The following HMCN1 variants were observed in gnomAD, a reference collection of about 807,000 sequenced individuals.
HMCN1 encodes the protein hemicentin-1.
A neutral mutation model predicts 625.9 loss-of-function variants in HMCN1; 321 were observed. The observed-to-expected ratio is 0.51, with a 90% CI of 0.47 to 0.56. The LOEUF is 0.56. HMCN1 is among the 20% of genes least tolerant of loss of function. The pLI, the probability that HMCN1 is intolerant of heterozygous loss-of-function variation, is 0.00. For missense variants in HMCN1, 6,588 were observed against 6,887.3 expected, an observed-to-expected ratio of 0.96 and a Z score of 1.54; for synonymous variants, 2,425 against 2,417.6, an observed-to-expected ratio of 1.00 and a Z score of -0.09.
Position 185,923,530 on chromosome 1 carries a change from A to G in HMCN1, c.1162A>G (p.Ile388Val), listed in dbSNP as rs1220826224. 6.2e-6 allele frequency: 10 copies of G among 1,612,430 alleles called. No homozygotes were observed. Among genetic ancestry groups the G allele is most frequent in the Non-Finnish European group, 8.5e-6 (10 of 1,179,048 alleles). ...TTACCCACATCGAAAACCTTATGGC[A>G]TATGGAATATTTCTGACTTTGTACC... ...KYYPHRKPYG[I>V]WNISDFVPPN... Residue 388 changes from isoleucine (I) to valine (V), a missense_variant, in exon 8 of 107, where the codon ATA (isoleucine) becomes GTA (valine). This residue lies in a region of HMCN1 where 4,628 missense variants were observed against 4,853.1 expected (regional missense o/e 0.95). Transcript: ENST00000271588.
chr1:186,039,909 T>C (rs757490283), intron 39 of HMCN1, 30 bp downstream of exon 39: 6 of 1,599,834 alleles, frequency 3.8e-6, no homozygotes, highest in African/African-American at 1.3e-5. Flanking sequence ...TGGTGACATT[T>C]ACCACCTGAT....
At chr1:185,997,606 T>A in intron 25 of HMCN1, 82 bp downstream of exon 25, 1 of 968,730 alleles carries the variant, frequency 1.0e-6, no homozygotes, top group African/African-American at 1.6e-5. Context: ...TTGTCATCCT[T>A]ATAAAATTCC....
chr1:185,835,811 A>G (rs557976009), intron 1 of HMCN1, among the ~76,000 whole-genome samples: 2 of 152,276 alleles, frequency 1.3e-5, no homozygotes, highest in African/African-American at 4.8e-5. Flanking sequence ...TTGCAACAGT[A>G]TATATAGAAA....
chr1:185,930,907 T>TACACAC (rs3030426), intron 10 of HMCN1, among the ~76,000 whole-genome samples: 5,699 of 138,956 alleles, frequency 0.041, 200 homozygotes, highest in African/African-American at 0.084. Flanking sequence ...TTTCACCCAA[T>TACACAC]ACACACACAC....
intron 1 of HMCN1, among the ~76,000 whole-genome samples, chr1:185,818,594 G>A (rs1274704060): frequency 6.6e-6 from 1 of 152,050 alleles, no homozygotes; most frequent in Non-Finnish European, 1.5e-5. Flanking sequence ...AATACAATAT[G>A]GATTTTTATT....
At chr1:185,921,158 C>T (rs1211939848) in intron 6 of HMCN1, among the ~76,000 whole-genome samples, 1 of 152,184 alleles carries the variant, frequency 6.6e-6, no homozygotes, top group Non-Finnish European at 1.5e-5. Context: ...TACACTTACA[C>T]ATATAATCTT....
At chr1:185,957,077 TCATGTTTC>T (rs1649683644) in intron 11 of HMCN1, 1 of 152,188 alleles carries the variant, frequency 6.6e-6, no homozygotes, top group Non-Finnish European at 1.5e-5. Flanking sequence ...CCCTTATCTA[TCATGTTTC>T]CATGTTAACT....
intron 1 of HMCN1, among the ~76,000 whole-genome samples, chr1:185,793,815 G>A (rs150555509): frequency 1.9e-3 from 288 of 152,186 alleles, no homozygotes; most frequent in Non-Finnish European, 3.4e-3. Flanking sequence ...ACTTCCCTTG[G>A]AGGTAAAAGT....
Position 186,122,970 on chromosome 1 carries a change from T to C in HMCN1, c.12249T>C (p.Pro4083=). 6.2e-7 allele frequency: 1 copy of C among 1,613,982 alleles called. No individual in the cohort carries two copies. The highest frequency in any genetic ancestry group is 1.3e-5 in the African/African-American group (1 of 75,056). Residue 4083 remains proline, a synonymous_variant, in exon 81 of 107, where the codon CCT becomes CCC. Coordinates refer to ENST00000271588, the MANE Select transcript of HMCN1 (RefSeq NM_031935.3). ...LNVQVPPVIS[P]HLKEYVIAVD... ...TTTTAGTTCCTCCAGTCATTAGCCC[T>C]CATCTAAAGGAATATGTTATTGCTG...
chr1:185,848,168 T>TTCACTATG lies in HMCN1; in HGVS notation c.339+2073_339+2074insCACTATGT, dbSNP rs1205997472. Among the ~76,000 whole-genome samples, 327 of 152,274 alleles carry TTCACTATG rather than the reference T, an allele frequency of 2.1e-3. 2 individuals are homozygous for TTCACTATG. Among genetic ancestry groups the TTCACTATG allele is most frequent in the African/African-American group, 7.4e-3 (309 of 41,540 alleles). ...GCATTGTCTATGTTCACTGCTATCA[T>TTCACTATG]TTCCTTACTCCCATTTCTGCCATTC... On this transcript the variant is annotated intron_variant, in intron 2 of 106. Coordinates refer to ENST00000271588, the MANE Select transcript of HMCN1 (RefSeq NM_031935.3).
intron 28 of HMCN1, 80 bp downstream of exon 28, chr1:186,001,821 A>C: frequency 8.7e-7 from 1 of 1,148,874 alleles, no homozygotes; most frequent in Non-Finnish European, 1.3e-6. Flanking sequence ...TGAAAAAGTA[A>C]AGAGAAAAAG....
At position 186,081,193 on chromosome 1, in the gene HMCN1, C is replaced by T. The variant is rs1254696195; in HGVS notation, c.8600-14C>T. The stretch of plus-strand genomic sequence containing the variant: ...GTTGCCCATTTTTCTCCCTTTGTTG[C>T]AATCCTTTGTTAGTGCCGCCAATTA... On this transcript the variant is annotated splice_polypyrimidine_tract_variant and intron_variant, in intron 55 of 106. Transcript: ENST00000271588. The T allele has an allele frequency of 1.2e-6, 2 of 1,609,248 alleles. No homozygotes were observed. The highest frequency in any genetic ancestry group is 1.3e-5 in the African/African-American group (1 of 74,936).
At chr1:185,758,166 C>T (rs958571946) in intron 1 of HMCN1, among the ~76,000 whole-genome samples, 3 of 152,120 alleles carry the variant, frequency 2.0e-5, no homozygotes, top group Non-Finnish European at 4.4e-5. Flanking sequence ...CTTCAACATG[C>T]CCATGCCATT....
At chr1:185,808,565 G>T (rs1263085196) in intron 1 of HMCN1, among the ~76,000 whole-genome samples, 2 of 152,068 alleles carry the variant, frequency 1.3e-5, no homozygotes, top group South Asian at 2.1e-4. Flanking sequence ...TTTGTTTTTT[G>T]TTATTGTTTT....
intron 51 of HMCN1, among the ~76,000 whole-genome samples, 156 bp downstream of exon 51, chr1:186,069,932 T>G (rs1198968406): frequency 6.6e-6 from 1 of 152,254 alleles, no homozygotes; most frequent in Non-Finnish European, 1.5e-5. Context: ...AATTAAGCAT[T>G]GTGTCTATGG....
intron 14 of HMCN1, among the ~76,000 whole-genome samples, chr1:185,968,568 A>C (rs527447171): frequency 6.6e-6 from 1 of 151,724 alleles, no homozygotes; most frequent in Non-Finnish European, 1.5e-5. Flanking sequence ...ACAGTTAAGA[A>C]GTTTTTAAAC....
intron 94 of HMCN1, 74 bp downstream of exon 94, chr1:186,151,423 T>C (rs1367109070): frequency 9.1e-6 from 13 of 1,429,784 alleles, no homozygotes; most frequent in South Asian, 2.3e-5. Context: ...ATTAAAGTTC[T>C]AGAGAATGCT....
chr1:186,050,305 T>G (rs1249434492), intron 42 of HMCN1, among the ~76,000 whole-genome samples: 1 of 151,920 alleles, frequency 6.6e-6, no homozygotes, highest in Non-Finnish European at 1.5e-5. Flanking sequence ...AAATAGAAAC[T>G]TATCATTTAG....
chr1:185,799,453 A>T (rs1192397711), intron 1 of HMCN1, among the ~76,000 whole-genome samples: 1 of 152,176 alleles, frequency 6.6e-6, no homozygotes, highest in Non-Finnish European at 1.5e-5. Context: ...CTAGACTAGG[A>T]AGACTTGTCC....
Sources: allele counts gnomAD v4.1 joint callset (sites outside exome capture counted in the v4.1 genomes callset), GRCh38; gene constraint gnomAD v4.1.1; regional missense constraint gnomAD v4.1.1; transcripts MANE v1.5; gene names NCBI Gene and HGNC (gene_info 2026-07-23, HGNC 2026-07-21).